The following FOXP1 variants were observed in gnomAD, a reference collection of about 807,000 sequenced individuals.
FOXP1 encodes the protein forkhead box P1.
In FOXP1, 15 loss-of-function variants were observed where a neutral mutation model predicts 98.2. The observed-to-expected ratio is 0.15, with a 90% CI of 0.10 to 0.24. The LOEUF (loss-of-function observed/expected upper bound fraction) is 0.24. Ranked by LOEUF, FOXP1 falls within the 10% of genes least tolerant of loss-of-function variation. The probability of loss-of-function intolerance (pLI) is 1.00; values close to 1 mark genes in which losing one functional copy is unlikely to be tolerated. For synonymous variants in FOXP1, 371 were observed against 314.5 expected (o/e 1.18, Z -1.90); for missense variants, 633 against 848.5 (o/e 0.75, Z 3.15).
At chr3:71,090,599 A>G (rs559658324) in intron 7 of FOXP1, among the ~76,000 whole-genome samples, 1 of 152,340 alleles carries the variant, frequency 6.6e-6, no homozygotes, top group African/African-American at 2.4e-5. Flanking sequence ...TTCTTTGCAT[A>G]TATGTAACTA....
intron 3 of FOXP1, among the ~76,000 whole-genome samples, chr3:71,476,309 T>G (rs1911152): frequency 0.42 from 64,064 of 151,690 alleles, 13,778 homozygotes; most frequent in Non-Finnish European, 0.45. Context: ...CTTTTTTTTT[T>G]TTTTGTTTTG....
chr3:71,025,905 G>T (rs1272184016), intron 11 of FOXP1, among the ~76,000 whole-genome samples: 2 of 152,190 alleles, frequency 1.3e-5, no homozygotes, highest in African/African-American at 4.8e-5. Context: ...GTGAGGAAAA[G>T]CAGAGTCACA....
chr3:71,427,957 A>G (rs2084314722), intron 3 of FOXP1, among the ~76,000 whole-genome samples: 1 of 152,244 alleles, frequency 6.6e-6, no homozygotes, highest in Admixed American at 6.5e-5. Flanking sequence ...AATGAATTCC[A>G]AGAAAAAGAT....
At chr3:71,362,888 A>G in intron 3 of FOXP1, among the ~76,000 whole-genome samples, 1 of 152,242 alleles carries the variant, frequency 6.6e-6, no homozygotes, top group Non-Finnish European at 1.5e-5. Context: ...CTTCACAAAC[A>G]TTAATAAATG....
chr3:71,306,747 A>T (rs1388340977), intron 4 of FOXP1, among the ~76,000 whole-genome samples: 1 of 151,940 alleles, frequency 6.6e-6, no homozygotes, highest in East Asian at 1.9e-4. Context: ...TGCCTTTCAA[A>T]TGTCACCAAT....
At chr3:71,173,725 G>A (rs1192339268) in intron 6 of FOXP1, among the ~76,000 whole-genome samples, 1 of 152,072 alleles carries the variant, frequency 6.6e-6, no homozygotes, top group Non-Finnish European at 1.5e-5. Context: ...TGGAGATGAG[G>A]GCTGAAGTCA....
chr3:71,348,532 T>TGTGTGC (rs1553853187), intron 4 of FOXP1, among the ~76,000 whole-genome samples: 4 of 139,168 alleles, frequency 2.9e-5, no homozygotes, highest in African/African-American at 8.0e-5. Context: ...CGTGTGTGTG[T>TGTGTGC]GTGTGTGTGT....
At position 71,279,462 on chromosome 3, in the gene FOXP1, T is replaced by C. The variant is rs143396328; in HGVS notation, c.-12+20358A>G. Among the ~76,000 whole-genome samples the C allele has an allele frequency of 9.9e-4, 150 of 152,174 alleles. 1 individual carries two copies. In the Middle Eastern group the frequency reaches 0.014, roughly 14 times the overall value. ...AGTGGGGAGCAGAGTTATAGGCATCTAGCAGGTACAGACCAGGGACGCTGC... is the reference window on the plus strand; with the variant it reads ...AGTGGGGAGCAGAGTTATAGGCATCCAGCAGGTACAGACCAGGGACGCTGC... On this transcript the variant is annotated intron_variant, in intron 5 of 20. Transcript: ENST00000649528.
chr3:71,119,375 C>A (rs1477550691), intron 6 of FOXP1, among the ~76,000 whole-genome samples: 1 of 152,178 alleles, frequency 6.6e-6, no homozygotes, highest in East Asian at 1.9e-4. Flanking sequence ...AAAGGCTGGT[C>A]TGAGTCAGCC....
intron 6 of FOXP1, among the ~76,000 whole-genome samples, chr3:71,170,819 G>A (rs866602810): frequency 3.3e-5 from 5 of 152,234 alleles, no homozygotes; most frequent in South Asian, 2.1e-4. Context: ...TTGATTCAGC[G>A]TCCATCTACA....
chr3:70,979,483 C>T (rs780681895), intron 14 of FOXP1, among the ~76,000 whole-genome samples: 31 of 151,896 alleles, frequency 2.0e-4, no homozygotes, highest in Admixed American at 9.2e-4. Flanking sequence ...TTGTTTTCAG[C>T]GTATGTATTA....
chr3:71,452,288 A>T (rs2087028576), intron 3 of FOXP1, among the ~76,000 whole-genome samples: 1 of 152,186 alleles, frequency 6.6e-6, no homozygotes, highest in Non-Finnish European at 1.5e-5. Context: ...CTCAAGACTA[A>T]ATACTCAGGA....
At chr3:71,527,303 G>T (rs2043468386) in intron 2 of FOXP1, among the ~76,000 whole-genome samples, 1 of 152,182 alleles carries the variant, frequency 6.6e-6, no homozygotes, top group African/African-American at 2.4e-5. Flanking sequence ...ATTCTCTCAA[G>T]CATCAACAGC....
At chr3:71,063,537 G>C (rs2051844360) in intron 7 of FOXP1, among the ~76,000 whole-genome samples, 2 of 152,164 alleles carry the variant, frequency 1.3e-5, no homozygotes, top group Admixed American at 6.5e-5. Flanking sequence ...GCAAAACAGG[G>C]CCGCTTTTAA....
intron 3 of FOXP1, among the ~76,000 whole-genome samples, chr3:71,380,408 A>AC (rs1000287514): frequency 2.6e-5 from 4 of 152,228 alleles, no homozygotes; most frequent in African/African-American, 9.6e-5. Flanking sequence ...AGGTAAAACA[A>AC]CAGCAAAGGC....
At chr3:71,176,743 CAAAA>C (rs573639526) in intron 6 of FOXP1, among the ~76,000 whole-genome samples, 1 of 75,520 alleles carries the variant, frequency 1.3e-5, no homozygotes. Context: ...GAGGCTATCT[CAAAA>C]AAAAAAAAAA....
At chr3:70,961,889 CT>C (rs762443036) in intron 20 of FOXP1, among the ~76,000 whole-genome samples, 2 of 152,092 alleles carry the variant, frequency 1.3e-5, no homozygotes, top group African/African-American at 4.8e-5. Flanking sequence ...AGTAAGACCC[CT>C]ATCTCTAAAT....
At chr3:70,987,972 C>T (rs776968848) in intron 14 of FOXP1, 22 bp downstream of exon 14, 2 of 1,611,512 alleles carry the variant, frequency 1.2e-6, no homozygotes, top group South Asian at 2.2e-5. Context: ...TTTTTTTCCC[C>T]TTGGTGGGGA....
At chr3:71,396,785 C>T (rs1353617832) in intron 3 of FOXP1, among the ~76,000 whole-genome samples, 1 of 150,194 alleles carries the variant, frequency 6.7e-6, no homozygotes, top group African/African-American at 2.5e-5. Flanking sequence ...TGAGATTGGG[C>T]ATGTCTCACA....
Sources: gnomAD v4.1 joint callset for allele counts (sites outside exome capture counted in the v4.1 genomes callset) on GRCh38, gnomAD v4.1.1 for gene constraint, MANE v1.5 for transcripts, NCBI Gene and HGNC (gene_info 2026-07-23, HGNC 2026-07-21) for gene names.